MAP3K7: variants seen among roughly 807,000 people sequenced by gnomAD.
MAP3K7 encodes TGF-beta activated kinase 1.
Under a neutral mutation model 84.8 loss-of-function variants are expected in MAP3K7, and 21 were observed. The observed-to-expected ratio is 0.25, with a 90% CI of 0.18 to 0.36. The LOEUF (loss-of-function observed/expected upper bound fraction) is 0.36. MAP3K7 is among the 10% of genes least tolerant of loss of function. MAP3K7 has a pLI of 1.00. For missense variants in MAP3K7, 503 were observed against 747.7 expected, an observed-to-expected ratio of 0.67 and a Z score of 3.82; for synonymous variants, 241 against 247.7, an observed-to-expected ratio of 0.97 and a Z score of 0.25.
At chr6:90,540,089 T>C (rs534350972) in intron 12 of MAP3K7, among the ~76,000 whole-genome samples, 1 of 152,002 alleles carries the variant, frequency 6.6e-6, no homozygotes, top group South Asian at 2.1e-4. Context: ...TAAATATCAA[T>C]TAAGTTCAGG....
chr6:90,518,616 C>T, intron 15 of MAP3K7, 54 bp from the exon 16 acceptor site: 1 of 894,474 alleles, frequency 1.1e-6, no homozygotes, highest in Non-Finnish European at 1.9e-6. Flanking sequence ...CAATATCTAG[C>T]TAAGATGAGA....
chr6:90,521,269 TGTGTG>T (rs1775142237), intron 14 of MAP3K7, among the ~76,000 whole-genome samples: 1 of 150,262 alleles, frequency 6.7e-6, no homozygotes, highest in Non-Finnish European at 1.5e-5. Context: ...TGTGTGTGTG[TGTGTG>T]TGTGTGTGTG....
intron 3 of MAP3K7, among the ~76,000 whole-genome samples, chr6:90,565,132 C>T (rs989745253): frequency 6.6e-6 from 1 of 152,092 alleles, no homozygotes; most frequent in Non-Finnish European, 1.5e-5. Context: ...GACACCCTAA[C>T]ATCACAATTA....
intron 16 of MAP3K7, 42 bp from the exon 17 acceptor site, chr6:90,516,723 T>C (rs1370580702): frequency 2.7e-6 from 4 of 1,492,654 alleles, no homozygotes; most frequent in East Asian, 2.3e-5. Context: ...GATGGAAAAA[T>C]TCATACCTTA....
Position 90,518,538 on chromosome 6 carries a change from T to C in MAP3K7, c.1549A>G (p.Lys517Glu). 3.1e-6 allele frequency: 5 copies of C among 1,608,052 alleles called. No individual in the cohort carries two copies. The highest frequency in any genetic ancestry group is 4.3e-6 in the Non-Finnish European group (5 of 1,175,928). Residue 517 changes from lysine to glutamate, a missense_variant, in exon 16 of 17, where the codon AAA (lysine) becomes GAA (glutamate). By Grantham distance (56) the Lys-to-Glu change is moderately conservative. Coordinates refer to ENST00000369329, the MANE Select transcript of MAP3K7 (RefSeq NM_145331.3). Reference sequence around the variant, plus strand: ...TGTTCAAACACTGCCATAGATTCTTTGGAGTTTGGGCACGGTGCTAGAGGC... The same window carrying C: ...TGTTCAAACACTGCCATAGATTCTTCGGAGTTTGGGCACGGTGCTAGAGGC... ...LQPLAPCPNSKESMAVFEQHC... is the reference protein window; with the variant it reads ...LQPLAPCPNSEESMAVFEQHC...
chr6:90,572,339 G>T (rs994425839), intron 1 of MAP3K7, among the ~76,000 whole-genome samples: 1 of 151,898 alleles, frequency 6.6e-6, no homozygotes. Context: ...TTATTCCATG[G>T]AATTTTATTC....
intron 1 of MAP3K7, among the ~76,000 whole-genome samples, chr6:90,572,379 T>TA (rs1017958389): frequency 2.6e-5 from 4 of 152,038 alleles, no homozygotes; most frequent in African/African-American, 9.7e-5. Context: ...ATATGTTACT[T>TA]ACGATATGAA....
In MAP3K7 at chr6:90,549,282, G is replaced by T. The variant is rs34182933; in HGVS notation, c.950-1105C>A. Among the ~76,000 whole-genome samples, 718 of 152,244 alleles carry T rather than the reference G, an allele frequency of 4.7e-3. 7 individuals carry two copies. The highest frequency in any genetic ancestry group is 0.016 in the African/African-American group (678 of 41,536). ...GCAAACAAGATCAGCTGAGAGTGAG[G>T]AGTGGCGAGGAGGTGTTTGAAGTCT... On this transcript the variant is annotated intron_variant, in intron 9 of 16. Transcript: ENST00000369329.
chr6:90,542,380 T>C (rs1775880618), intron 12 of MAP3K7: 1 of 983,460 alleles, frequency 1.0e-6, no homozygotes, highest in African/African-American at 1.7e-5. Flanking sequence ...CTAAAAAGAA[T>C]ATTTAATAAA....
chr6:90,533,722 G>A (rs556570556), intron 13 of MAP3K7, among the ~76,000 whole-genome samples: 1 of 152,268 alleles, frequency 6.6e-6, no homozygotes, highest in Admixed American at 6.5e-5. Context: ...TGATATTGGT[G>A]TTCTGAGAGA....
At chr6:90,561,738 A>C in intron 3 of MAP3K7, 71 bp from the exon 4 acceptor site, 1 of 1,009,868 alleles carries the variant, frequency 9.9e-7, no homozygotes, top group Non-Finnish European at 1.6e-6. Context: ...GAGAGAATTT[A>C]ATTCACTCCC....
At chr6:90,557,966 G>C (rs1026491305) in intron 5 of MAP3K7, among the ~76,000 whole-genome samples, 14 of 152,182 alleles carry the variant, frequency 9.2e-5, no homozygotes, top group Admixed American at 8.5e-4. Flanking sequence ...ACCTTCTTTA[G>C]ATACCATTTT....
intron 13 of MAP3K7, among the ~76,000 whole-genome samples, chr6:90,536,025 T>C (rs1007590872): frequency 6.6e-6 from 1 of 152,186 alleles, no homozygotes; most frequent in African/African-American, 2.4e-5. Context: ...ACTTTAATGA[T>C]AAATTGTTAA....
At chr6:90,563,171 C>A (rs1476669264) in intron 3 of MAP3K7, among the ~76,000 whole-genome samples, 1 of 152,160 alleles carries the variant, frequency 6.6e-6, no homozygotes, top group Non-Finnish European at 1.5e-5. Flanking sequence ...AGCACCTCTT[C>A]TCCTCCAAAG....
chr6:90,581,362 T>C (rs1286494970), intron 1 of MAP3K7, among the ~76,000 whole-genome samples: 3 of 152,214 alleles, frequency 2.0e-5, no homozygotes, highest in Non-Finnish European at 4.4e-5. Context: ...GATGCTGGCA[T>C]TGTTCTGGCT....
At chr6:90,557,243 C>G (rs1403838743) in intron 5 of MAP3K7, among the ~76,000 whole-genome samples, 1 of 152,116 alleles carries the variant, frequency 6.6e-6, no homozygotes, top group Non-Finnish European at 1.5e-5. Context: ...TGTACTATTA[C>G]CCAACTACAG....
At position 90,523,736 on chromosome 6, in the gene MAP3K7, T is replaced by A; in HGVS notation, c.1404A>T (p.Ser468=). Residue 468 remains serine (S), a synonymous_variant, in exon 14 of 17, where the codon TCA becomes TCT. Coordinates refer to ENST00000369329, the MANE Select transcript of MAP3K7 (RefSeq NM_145331.3). ...SSPSVRMITT[S]GPTSEKPTRS... is the part of the protein sequence containing the mutation. ...GAGTTGGCTTTTCTGAGGTTGGTCC[T>A]GAGGTAGTAATCATTCTGACACTGG... 6.2e-7 allele frequency: 1 copy of A among 1,613,404 alleles called. No homozygotes were observed. The highest frequency in any genetic ancestry group is 8.5e-7 in the Non-Finnish European group (1 of 1,179,550).
chr6:90,557,964 T>G (rs1776385776), intron 5 of MAP3K7, among the ~76,000 whole-genome samples: 2 of 152,224 alleles, frequency 1.3e-5, no homozygotes, highest in African/African-American at 4.8e-5. Flanking sequence ...GTACCTTCTT[T>G]AGATACCATT....
chr6:90,583,528 A>G (rs1222898998), intron 1 of MAP3K7, among the ~76,000 whole-genome samples: 1 of 152,222 alleles, frequency 6.6e-6, no homozygotes, highest in Non-Finnish European at 1.5e-5. Flanking sequence ...TGAATTCTAT[A>G]GGAGACCATG....
Sources: gnomAD v4.1 joint callset for allele counts (sites outside exome capture counted in the v4.1 genomes callset) on GRCh38, gnomAD v4.1.1 for gene constraint, MANE v1.5 for transcripts, NCBI Gene and HGNC (gene_info 2026-07-23, HGNC 2026-07-21) for gene names.